The following NRG1 variants were observed in gnomAD, a reference collection of about 807,000 sequenced individuals.
NRG1 encodes pro-neuregulin-1, membrane-bound isoform.
A neutral mutation model predicts 63.8 loss-of-function variants in NRG1; 18 were observed. That is an observed-to-expected ratio of 0.28 (90% CI 0.19 to 0.42). The LOEUF (loss-of-function observed/expected upper bound fraction) is 0.42, where lower values mean the gene tolerates loss of function less well. Among genes scored for constraint, NRG1 ranks in the 10% least tolerant of loss-of-function variants. The pLI, the probability that NRG1 is intolerant of heterozygous loss-of-function variation, is 1.00. For synonymous variants in NRG1, 302 were observed against 301.3 expected (o/e 1.00, Z -0.02); for missense variants, 762 against 814.7 (o/e 0.94, Z 0.79).
At chr8:32,330,352 A>G (rs1802504013) in intron 1 of NRG1, among the ~76,000 whole-genome samples, 1 of 152,206 alleles carries the variant, frequency 6.6e-6, no homozygotes, top group Non-Finnish European at 1.5e-5. Context: ...ATTGTTCCAG[A>G]TATAAAATGA....
At chr8:32,579,838 T>A (rs1449899604) in intron 1 of NRG1, among the ~76,000 whole-genome samples, 2 of 152,188 alleles carry the variant, frequency 1.3e-5, no homozygotes, top group Admixed American at 6.5e-5. Context: ...GGAGTGTCAC[T>A]GGGCTAAAAT....
chr8:32,314,709 T>C (rs1180356602), intron 1 of NRG1, among the ~76,000 whole-genome samples: 1 of 152,198 alleles, frequency 6.6e-6, no homozygotes, highest in Non-Finnish European at 1.5e-5. Flanking sequence ...ATTTCCTCCC[T>C]GCAGTCTGAG....
chr8:31,885,657 T>C (rs947758067), intron 1 of NRG1, among the ~76,000 whole-genome samples: 1 of 152,130 alleles, frequency 6.6e-6, no homozygotes, highest in Admixed American at 6.6e-5. Flanking sequence ...CTCCATAGCA[T>C]CCATAGTCAT....
In NRG1 at chr8:32,654,008, A is replaced by G. The variant is rs375684987; in HGVS notation, c.502+37123A>G. Among the ~76,000 whole-genome samples the G allele has an allele frequency of 1.8e-3, 277 of 152,084 alleles. 1 individual carries two copies. Among genetic ancestry groups the G allele is most frequent in the African/African-American group, 6.4e-3 (265 of 41,498 alleles). On this transcript the variant is annotated intron_variant, in intron 5 of 11. Transcript: ENST00000356819. ...CATTCAAAGGGTGTTTCTGAATAAT[A>G]TAACTAGTATCTTATAATCATAGAA...
At chr8:31,925,587 T>C (rs1178269284) in intron 1 of NRG1, among the ~76,000 whole-genome samples, 1 of 152,136 alleles carries the variant, frequency 6.6e-6, no homozygotes, top group East Asian at 1.9e-4. Context: ...CCATAGCTTT[T>C]GGGATTCTAA....
At chr8:31,730,764 A>G (rs1813954458) in intron 1 of NRG1, among the ~76,000 whole-genome samples, 2 of 152,178 alleles carry the variant, frequency 1.3e-5, no homozygotes. Flanking sequence ...GCAAAAACCA[A>G]GAAGAAATAA....
chr8:32,398,937 T>TTA (rs1489140445), intron 1 of NRG1, among the ~76,000 whole-genome samples: 1 of 152,182 alleles, frequency 6.6e-6, no homozygotes, highest in African/African-American at 2.4e-5. Flanking sequence ...TTTTTTGAGA[T>TTA]TATATATATT....
intron 1 of NRG1, among the ~76,000 whole-genome samples, chr8:32,033,300 G>T (rs1469528016): frequency 6.6e-6 from 1 of 151,904 alleles, no homozygotes. Flanking sequence ...CTGTTCCATT[G>T]GTCTATGTGT....
intron 1 of NRG1, among the ~76,000 whole-genome samples, chr8:31,706,968 A>C (rs1811212184): frequency 6.6e-6 from 1 of 151,894 alleles, no homozygotes. Context: ...TTTCAGAATT[A>C]TATCATTTGT....
chr8:32,384,684 G>A (rs966508060), intron 1 of NRG1, among the ~76,000 whole-genome samples: 1 of 152,214 alleles, frequency 6.6e-6, no homozygotes, highest in Non-Finnish European at 1.5e-5. Flanking sequence ...CCATGTAATA[G>A]GGAAACTGAG....
intron 1 of NRG1, among the ~76,000 whole-genome samples, chr8:32,303,444 G>A (rs1008969902): frequency 6.6e-6 from 1 of 151,974 alleles, no homozygotes; most frequent in Non-Finnish European, 1.5e-5. Context: ...TTGGAAGCAC[G>A]ACTTTTTATT....
chr8:31,640,071 G>A lies in NRG1; in HGVS notation c.37+640G>A. The A allele has an allele frequency of 8.8e-7, 1 of 1,133,028 alleles. No individual in the cohort carries two copies. The highest frequency in any genetic ancestry group is 1.1e-6 in the Non-Finnish European group (1 of 926,092). 70.2% of individuals were successfully genotyped at this position (1,133,028 alleles called of 1,614,324 possible). ...GCTCCGCCGCCCGCTCGTCGCCGCC[G>A]CTGCCGCTGCTGCCACTACTGCTGC... is the stretch of plus-strand genomic sequence containing the variant. On this transcript the variant is annotated intron_variant, in intron 1 of 10. Coordinates refer to the NRG1 transcript ENST00000519301. The surrounding 1 kb of genome is among the most constrained non-coding windows in gnomAD (Gnocchi z 6.3).
chr8:32,427,602 G>A (rs766574618), intron 1 of NRG1, among the ~76,000 whole-genome samples: 8 of 152,270 alleles, frequency 5.3e-5, no homozygotes, highest in South Asian at 2.1e-4. Context: ...TTGCATGTGC[G>A]TTTTAGAGGT....
At chr8:32,523,687 T>A (rs1198081924) in intron 1 of NRG1, among the ~76,000 whole-genome samples, 1 of 151,070 alleles carries the variant, frequency 6.6e-6, no homozygotes, top group Non-Finnish European at 1.5e-5. Flanking sequence ...CCGCCTCTAC[T>A]AAAAACACAA....
chr8:32,068,772 A>G (rs986218089), intron 1 of NRG1, among the ~76,000 whole-genome samples: 2 of 152,298 alleles, frequency 1.3e-5, no homozygotes, highest in African/African-American at 4.8e-5. Context: ...ATGAGTATTG[A>G]TATCGAAGTA....
chr8:32,353,287 T>TA (rs1432075669), intron 1 of NRG1, among the ~76,000 whole-genome samples: 1 of 150,396 alleles, frequency 6.6e-6, no homozygotes, highest in Non-Finnish European at 1.5e-5. Context: ...ATAATTTAAA[T>TA]AAAATAATAA....
intron 1 of NRG1, among the ~76,000 whole-genome samples, chr8:31,905,733 T>A (rs1832469756): frequency 6.6e-6 from 1 of 152,196 alleles, no homozygotes. Context: ...GTTAAGATGC[T>A]TGACATTAAA....
intron 5 of NRG1, among the ~76,000 whole-genome samples, chr8:32,669,122 T>C (rs1804968679): frequency 6.6e-6 from 1 of 152,260 alleles, no homozygotes; most frequent in Admixed American, 6.5e-5. Flanking sequence ...ATTATGCTGC[T>C]TATTTTACAT....
chr8:32,367,939 A>C (rs1353699444), intron 1 of NRG1, among the ~76,000 whole-genome samples: 1 of 152,120 alleles, frequency 6.6e-6, no homozygotes, highest in African/African-American at 2.4e-5. Context: ...TCCTTTCCTC[A>C]ATGTATGTTT....
Sources: allele counts gnomAD v4.1 joint callset (sites outside exome capture counted in the v4.1 genomes callset), GRCh38; gene constraint gnomAD v4.1.1; non-coding constraint Gnocchi (gnomAD v3.1); transcripts MANE v1.5; gene names NCBI Gene and HGNC (gene_info 2026-07-23, HGNC 2026-07-21).